Variants in PYCR1 observed in about 807,000 individuals in gnomAD.
The protein encoded by PYCR1 is pyrroline-5-carboxylate reductase 1, also known as pyrroline-5-carboxylate reductase 1, mitochondrial.
In PYCR1, 19 loss-of-function variants were observed where a neutral mutation model predicts 22.9. The observed-to-expected ratio is 0.83, with a 90% CI of 0.58 to 1.22. The LOEUF (loss-of-function observed/expected upper bound fraction) is 1.22, where lower values mean the gene tolerates loss of function less well. PYCR1 is among the 50% of genes most tolerant of loss of function. PYCR1 has a pLI of 0.00. For synonymous variants in PYCR1, 175 were observed against 180.5 expected (o/e 0.97, Z 0.24); for missense variants, 429 against 431.3 (o/e 0.99, Z 0.05).
chr17:81,934,971 G>T lies in PYCR1; in HGVS notation c.495C>A (p.Asp165Glu), dbSNP rs762581551. The T allele has an allele frequency of 6.2e-7, 1 of 1,609,596 alleles. No individual in the cohort carries two copies. Among genetic ancestry groups the T allele is most frequent in the South Asian group, 1.1e-5 (1 of 90,994 alleles). The stretch of plus-strand genomic sequence containing the variant: ...TGAGCCCCGTGACGGCATCAATCAG[G>T]TCCTCTTCCACCTCCGTGCAGAAGC... ...SVGFCTEVEE[D>E]LIDAVTGLSG... Residue 165 changes from aspartate to glutamate, a missense_variant, in exon 4 of 7, where the codon GAC becomes GAA. By Grantham distance (45) the Asp-to-Glu change is conservative. Coordinates refer to ENST00000329875, the MANE Select transcript of PYCR1 (RefSeq NM_006907.4).
chr17:81,935,505 C>T lies in PYCR1; in HGVS notation c.150G>A (p.Val50=), dbSNP rs1173823676. The T allele has an allele frequency of 4.3e-6, 7 of 1,609,658 alleles. No homozygotes were observed. The highest frequency in any genetic ancestry group is 1.7e-4 in the Middle Eastern group (1 of 6,032). ...ATVSALRKMG[V]KLTPHNKETV... ...TCTCCTTGTTGTGGGGTGTCAACTT[C>T]ACCCCCATCTTCTGCAGGGGCAACA... The change falls in exon 3 of 7, where the codon GTG becomes GTA. Residue 50 remains valine (V), a synonymous_variant. Coordinates refer to ENST00000329875, the MANE Select transcript of PYCR1 (RefSeq NM_006907.4).
At chr17:81,934,269 G>A in intron 6 of PYCR1, 57 bp downstream of exon 6, 1 of 1,600,980 alleles carries the variant, frequency 6.2e-7, no homozygotes, top group Non-Finnish European at 8.5e-7. Context: ...GTGTGTGAGA[G>A]AGGCCTCTGC....
chr17:81,933,385 G>A lies in PYCR1; in HGVS notation c.798-9C>T. On this transcript the variant is annotated splice_polypyrimidine_tract_variant and intron_variant, in intron 6 of 6. Coordinates refer to ENST00000329875, the MANE Select transcript of PYCR1 (RefSeq NM_006907.4). ...CCATGGACTGCAGCTCCCTAGAGAG[G>A]CAGGGAGAGGTTGGCTTTGGAGCAC... 1 of 1,613,458 alleles carries A rather than the reference G, an allele frequency of 6.2e-7. No homozygotes were observed. Among genetic ancestry groups the A allele is most frequent in the South Asian group, 1.1e-5 (1 of 91,062 alleles).
At position 81,934,634 on chromosome 17, in the gene PYCR1, G is replaced by A. The variant is rs1316733633; in HGVS notation, c.633+19C>T. On this transcript the variant is annotated intron_variant, in intron 5 of 6. Transcript: ENST00000329875. ...CCCGCAAAGAGTGGCCCCACCAGAG[G>A]GTCAGGAAACACACTGACCAGGAGG... 2 of 1,555,670 alleles carry A rather than the reference G, an allele frequency of 1.3e-6. No homozygotes were observed. Among genetic ancestry groups the A allele is most frequent in the Non-Finnish European group, 1.7e-6 (2 of 1,149,566 alleles).
In PYCR1 at chr17:81,932,790, T is replaced by C. The variant is rs2041022528; in HGVS notation, c.*424A>G. ...TTCTCACACGGGAAGGAGAGGTTTC[T>C]CCCTGAATGGAGGGCAGGGAGGGGC... On this transcript the variant is annotated 3_prime_UTR_variant, in exon 7 of 7. Transcript: ENST00000329875. 6.7e-7 allele frequency: 1 copy of C among 1,500,420 alleles called. No individual in the cohort carries two copies. The highest frequency in any genetic ancestry group is 1.4e-5 in the African/African-American group (1 of 72,260). 92.9% of individuals were successfully genotyped at this position (1,500,420 alleles called of 1,614,324 possible). A position where few individuals can be genotyped will look rare whatever the true frequency, so the allele number is the denominator to read the frequency against.
rs753846124 is a variant in PYCR1 at position 81,935,154 on chromosome 17, G to C, written c.319-7C>G. The C allele has an allele frequency of 4.4e-6, 7 of 1,603,448 alleles. No homozygotes were observed. The South Asian group carries it at 7.7e-5, about 18-fold the overall frequency. On this transcript the variant is annotated splice_polypyrimidine_tract_variant and splice_region_variant and intron_variant, in intron 3 of 6. Transcript: ENST00000329875. ...GCCGAAACGCTGACAGCTTCTGGAAGAGAAACCAGCGTGTCCGTCTGGCCA... is the reference window on the plus strand; with the variant it reads ...GCCGAAACGCTGACAGCTTCTGGAACAGAAACCAGCGTGTCCGTCTGGCCA...
chr17:81,937,233 C>G lies in PYCR1; in HGVS notation c.-419G>C. Reference sequence around the variant, plus strand: ...CACCATTCCCGGAGCCCGACCCCAACCCAGCTACCGTGCGCGGGTCGTACC... The same window carrying G: ...CACCATTCCCGGAGCCCGACCCCAAGCCAGCTACCGTGCGCGGGTCGTACC... On this transcript the variant is annotated 5_prime_UTR_variant, in exon 1 of 7. Coordinates refer to ENST00000329875, the MANE Select transcript of PYCR1 (RefSeq NM_006907.4). 2 of 1,454,476 alleles carry G rather than the reference C, an allele frequency of 1.4e-6. No individual in the cohort carries two copies. Among genetic ancestry groups the G allele is most frequent in the Non-Finnish European group, 1.8e-6 (2 of 1,106,518 alleles). The allele number at this position is 1,454,476 out of a possible 1,614,324, so 90.1% of individuals were successfully genotyped here.
rs1165001670 is a variant in PYCR1 at position 81,937,158 on chromosome 17, AC to A, written c.-345del. On this transcript the variant is annotated 5_prime_UTR_variant, in exon 1 of 7. An upstream open reading frame in the 5' UTR loses its in-frame stop. Transcript: ENST00000329875. ...CTAGGGGTCCCCCGTCTGGGTTCCC[AC>A]CCCGCCCAGAACTGGGCTACCGTCG... 2 of 1,438,444 alleles carry A rather than the reference AC, an allele frequency of 1.4e-6. No homozygotes were observed. Among genetic ancestry groups the A allele is most frequent in the Middle Eastern group, 2.2e-4 (1 of 4,516 alleles). The allele number at this position is 1,438,444 out of a possible 1,614,324, so 89.1% of individuals were successfully genotyped here. A position where few individuals can be genotyped will look rare whatever the true frequency, so the allele number is the denominator to read the frequency against.
Position 81,937,155 on chromosome 17 carries a change from C to A in PYCR1, c.-341G>T. On this transcript the variant is annotated 5_prime_UTR_variant, in exon 1 of 7. Transcript: ENST00000329875. ...CGCCTAGGGGTCCCCCGTCTGGGTTCCCACCCCGCCCAGAACTGGGCTACC... is the reference window on the plus strand; with the variant it reads ...CGCCTAGGGGTCCCCCGTCTGGGTTACCACCCCGCCCAGAACTGGGCTACC... 7.0e-7 allele frequency: 1 copy of A among 1,438,018 alleles called. No homozygotes were observed. Among genetic ancestry groups the A allele is most frequent in the South Asian group, 1.5e-5 (1 of 68,746 alleles). The allele number at this position is 1,438,018 out of a possible 1,614,324, so 89.1% of individuals were successfully genotyped here. A position where few individuals can be genotyped will look rare whatever the true frequency, so the allele number is the denominator to read the frequency against.
chr17:81,935,622 G>T (rs1407324486), intron 2 of PYCR1, 106 bp from the exon 3 acceptor site: 2 of 949,418 alleles, frequency 2.1e-6, no homozygotes, highest in African/African-American at 1.7e-5. Flanking sequence ...GGAGTTGGGG[G>T]TGGGCAGGGC....
At position 81,932,929 on chromosome 17, in the gene PYCR1, C is replaced by A. The variant is rs765495873; in HGVS notation, c.*285G>T. The A allele has an allele frequency of 1.9e-6, 3 of 1,612,086 alleles. No homozygotes were observed. In the South Asian group the frequency reaches 3.3e-5, roughly 18 times the overall value. Reference sequence around the variant, plus strand: ...ATACTGGAGTAGGAGTGGGTGAAGACCCTCCGGGCTCCCGAGCTCTAGAGG... The same window carrying A: ...ATACTGGAGTAGGAGTGGGTGAAGAACCTCCGGGCTCCCGAGCTCTAGAGG... On this transcript the variant is annotated 3_prime_UTR_variant, in exon 7 of 7. Coordinates refer to ENST00000329875, the MANE Select transcript of PYCR1 (RefSeq NM_006907.4).
chr17:81,936,021 G>A, intron 2 of PYCR1, 102 bp downstream of exon 2: 2 of 1,345,440 alleles, frequency 1.5e-6, no homozygotes, highest in Non-Finnish European at 2.1e-6. Flanking sequence ...CCAGCCCAGG[G>A]CCCCTGCCCT....
At chr17:81,933,667 G>A (rs1173492649) in intron 6 of PYCR1, among the ~76,000 whole-genome samples, 1 of 152,198 alleles carries the variant, frequency 6.6e-6, no homozygotes, top group African/African-American at 2.4e-5. Context: ...CAGGCTGGAG[G>A]TGAGGCCAGG....
intron 2 of PYCR1, 84 bp from the exon 3 acceptor site, chr17:81,935,600 ACAGAGAATGCTGGAGTT>A: frequency 1.6e-6 from 2 of 1,222,946 alleles, no homozygotes; most frequent in Non-Finnish European, 2.3e-6. Context: ...GTAGAATGGC[ACAGAGAATGCTGGAGTT>A]GGGGGTGGGC....
In PYCR1 at chr17:81,934,638, A is replaced by T. The variant is rs1203995127; in HGVS notation, c.633+15T>A. The T allele has an allele frequency of 6.4e-7, 1 of 1,557,082 alleles. No individual in the cohort carries two copies. The highest frequency in any genetic ancestry group is 8.7e-7 in the Non-Finnish European group (1 of 1,150,594). On this transcript the variant is annotated intron_variant, in intron 5 of 6. Coordinates refer to ENST00000329875, the MANE Select transcript of PYCR1 (RefSeq NM_006907.4). ...CAAAGAGTGGCCCCACCAGAGGGTC[A>T]GGAAACACACTGACCAGGAGGGCCT... is the stretch of plus-strand genomic sequence containing the variant.
chr17:81,934,466 G>C lies in PYCR1; in HGVS notation c.657C>G (p.His219Gln). ...ALLGAAKMLLHSEQHPGQLKD... is the reference protein window; with the variant it reads ...ALLGAAKMLLQSEQHPGQLKD... ...TGAGCTGGCCTGGGTGCTGTTCTGAGTGCAGCAGCATCTTGGCAGCCCCCT... is the reference window on the plus strand; with the variant it reads ...TGAGCTGGCCTGGGTGCTGTTCTGACTGCAGCAGCATCTTGGCAGCCCCCT... The change falls in exon 6 of 7, where the codon CAC becomes CAG. Residue 219 changes from histidine (H) to glutamine (Q), a missense_variant. Transcript: ENST00000329875. 6.2e-7 allele frequency: 1 copy of C among 1,608,258 alleles called. No individual in the cohort carries two copies. Among genetic ancestry groups the C allele is most frequent in the East Asian group, 2.2e-5 (1 of 44,664 alleles).
intron 3 of PYCR1, 46 bp from the exon 4 acceptor site, chr17:81,935,193 T>TA: frequency 1.3e-6 from 2 of 1,574,176 alleles, no homozygotes; most frequent in Non-Finnish European, 1.7e-6. Flanking sequence ...ACGCAGTGCC[T>TA]AGATGCACTC....
chr17:81,932,858 A>T lies in PYCR1; in HGVS notation c.*356T>A, dbSNP rs1567919947. The T allele has an allele frequency of 6.2e-7, 1 of 1,600,906 alleles. No individual in the cohort carries two copies. ...TCCCACCTCTGCTGAGCCTTCACAG[A>T]GGGGGTCCTTGACCTTTGCTCTCAG... On this transcript the variant is annotated 3_prime_UTR_variant, in exon 7 of 7. Transcript: ENST00000329875.
Position 81,934,995 on chromosome 17 carries a change from G to A in PYCR1, c.471C>T (p.Gly157=). ...RLMEQLLSSV[G]FCTEVEEDLI... The stretch of plus-strand genomic sequence containing the variant: ...GGTCCTCTTCCACCTCCGTGCAGAA[G>A]CCCACGCTGCTCAGCAGCTGCTCCA... The change falls in exon 4 of 7, where the codon GGC becomes GGT. Residue 157 remains glycine, a synonymous_variant. Coordinates refer to ENST00000329875, the MANE Select transcript of PYCR1 (RefSeq NM_006907.4). 1 of 1,609,892 alleles carries A rather than the reference G, an allele frequency of 6.2e-7. No homozygotes were observed. Among genetic ancestry groups the A allele is most frequent in the Non-Finnish European group, 8.5e-7 (1 of 1,179,990 alleles).
Sources: gnomAD v4.1 joint callset for allele counts (sites outside exome capture counted in the v4.1 genomes callset) on GRCh38, gnomAD v4.1.1 for gene constraint, MANE v1.5 for transcripts, NCBI Gene and HGNC (gene_info 2026-07-23, HGNC 2026-07-21) for gene names.